The following CHST11 variants were observed in gnomAD, a reference collection of about 807,000 sequenced individuals.
The protein encoded by CHST11 is carbohydrate sulfotransferase 11.
Under a neutral mutation model 30.4 loss-of-function variants are expected in CHST11, and 9 were observed. That is an observed-to-expected ratio of 0.30 (90% CI 0.18 to 0.52). The LOEUF (loss-of-function observed/expected upper bound fraction) is 0.52. Among genes scored for constraint, CHST11 ranks in the 20% least tolerant of loss-of-function variants. CHST11 has a pLI of 0.97. For synonymous variants in CHST11, 152 were observed against 187.8 expected (o/e 0.81, Z 1.56); for missense variants, 348 against 460.6 (o/e 0.76, Z 2.24).
chr12:104,648,353 T>G (rs1395166900), intron 2 of CHST11, among the ~76,000 whole-genome samples: 1 of 152,202 alleles, frequency 6.6e-6, no homozygotes, highest in Non-Finnish European at 1.5e-5. Context: ...GCAGAGTCAT[T>G]TTGGGGCCAT....
At chr12:104,653,932 C>G (rs2039518513) in intron 2 of CHST11, among the ~76,000 whole-genome samples, 1 of 152,154 alleles carries the variant, frequency 6.6e-6, no homozygotes, top group Non-Finnish European at 1.5e-5. Context: ...TGCAGGGGGC[C>G]AAGATTCTTT....
chr12:104,582,125 T>C (rs906362325), intron 1 of CHST11, among the ~76,000 whole-genome samples: 1 of 152,210 alleles, frequency 6.6e-6, no homozygotes, highest in Non-Finnish European at 1.5e-5. Context: ...AATGTGCGCC[T>C]GAGAGTTGTG....
chr12:104,707,165 G>A (rs771173932), intron 2 of CHST11, among the ~76,000 whole-genome samples: 14 of 152,202 alleles, frequency 9.2e-5, no homozygotes, highest in South Asian at 2.1e-4. Flanking sequence ...CATTTTCTCC[G>A]TTAGAATGAA....
chr12:104,531,709 A>G (rs1486582210), intron 1 of CHST11, among the ~76,000 whole-genome samples: 1 of 152,030 alleles, frequency 6.6e-6, no homozygotes, highest in Non-Finnish European at 1.5e-5. Flanking sequence ...GGACTGGTGC[A>G]GTAGTCTTCT....
chr12:104,640,161 A>G (rs1022656852), intron 2 of CHST11, among the ~76,000 whole-genome samples: 1 of 152,236 alleles, frequency 6.6e-6, no homozygotes, highest in African/African-American at 2.4e-5. Flanking sequence ...TTTGGAAGAC[A>G]GTTTGGCAGT....
intron 1 of CHST11, among the ~76,000 whole-genome samples, chr12:104,570,707 T>TTTC (rs1193722469): frequency 6.6e-6 from 1 of 151,906 alleles, no homozygotes; most frequent in East Asian, 1.9e-4. Flanking sequence ...TTTTTTTTTT[T>TTTC]TGAGACTGAG....
intron 1 of CHST11, among the ~76,000 whole-genome samples, chr12:104,547,644 G>A (rs1565982727): frequency 6.6e-6 from 1 of 152,150 alleles, no homozygotes. Flanking sequence ...CAGCATCTCC[G>A]AGTAGTGTAT....
chr12:104,691,888 G>A (rs574454074), intron 2 of CHST11, among the ~76,000 whole-genome samples: 69 of 152,290 alleles, frequency 4.5e-4, no homozygotes, highest in Non-Finnish European at 6.5e-4. Context: ...TTCCGAGTGT[G>A]TGGCTTGGTA....
chr12:104,587,066 C>T (rs543209076), intron 1 of CHST11, among the ~76,000 whole-genome samples: 4 of 152,316 alleles, frequency 2.6e-5, no homozygotes, highest in South Asian at 4.1e-4. Flanking sequence ...ACCCTCCGCC[C>T]CTTAGGCCAG....
intron 1 of CHST11, among the ~76,000 whole-genome samples, chr12:104,596,526 C>A (rs943094465): frequency 1.3e-5 from 2 of 152,096 alleles, no homozygotes; most frequent in South Asian, 4.1e-4. Flanking sequence ...CGAGACAGCA[C>A]GGTGAAGAGC....
intron 2 of CHST11, among the ~76,000 whole-genome samples, chr12:104,679,477 G>T (rs767863630): frequency 2.4e-4 from 37 of 152,170 alleles, no homozygotes; most frequent in Non-Finnish European, 4.1e-4. Flanking sequence ...GAACTCTGGA[G>T]TCAGATCTTC....
intron 2 of CHST11, among the ~76,000 whole-genome samples, chr12:104,718,007 C>T (rs1365633036): frequency 6.6e-6 from 1 of 152,086 alleles, no homozygotes; most frequent in Non-Finnish European, 1.5e-5. Context: ...GGGCAGTAGC[C>T]CAGATGCAGA....
chr12:104,755,782 G>GA (rs1208885037), intron 2 of CHST11, among the ~76,000 whole-genome samples: 57 of 150,008 alleles, frequency 3.8e-4, no homozygotes, highest in East Asian at 5.8e-4. Context: ...TAAGACTCTG[G>GA]AAAAAAAAAG....
intron 1 of CHST11, among the ~76,000 whole-genome samples, chr12:104,516,357 G>T (rs900922837): frequency 2.0e-5 from 3 of 152,204 alleles, no homozygotes; most frequent in African/African-American, 7.2e-5. Context: ...CTGGTGAGAA[G>T]TATACGATTT....
chr12:104,526,773 A>G, intron 1 of CHST11, among the ~76,000 whole-genome samples: 1 of 152,192 alleles, frequency 6.6e-6, no homozygotes, highest in East Asian at 1.9e-4. Flanking sequence ...GTGGGTGATC[A>G]GGCCCAGCCA....
In CHST11 at chr12:104,571,107, T is replaced by C. The variant is rs78541674; in HGVS notation, c.119-30799T>C. 3.2e-4 allele frequency among the ~76,000 whole-genome samples: 48 copies of C among 152,168 alleles called. No individual in the cohort carries two copies. In the East Asian group the frequency reaches 7.9e-3, roughly 25 times the overall value. ...TGGCAGAGAGGATAAGTTAATCAGC[T>C]GAGGTCACATAGCTAGCAGGTGGTG... On this transcript the variant is annotated intron_variant, in intron 1 of 2. Coordinates refer to ENST00000303694, the MANE Select transcript of CHST11 (RefSeq NM_018413.6).
chr12:104,663,013 C>T lies in CHST11; in HGVS notation c.204+61022C>T, dbSNP rs557028862. The stretch of plus-strand genomic sequence containing the variant: ...ATTTAATGTGATTTGGTTTGTACAG[C>T]TGTTCCTCACCACAGACAAAGGAAA... On this transcript the variant is annotated intron_variant, in intron 2 of 2. Transcript: ENST00000303694. 2.0e-5 allele frequency among the ~76,000 whole-genome samples: 3 copies of T among 152,350 alleles called. No homozygotes were observed. The East Asian group carries it at 5.8e-4, about 29-fold the overall frequency.
chr12:104,623,735 C>T (rs913682630), intron 2 of CHST11, among the ~76,000 whole-genome samples: 1 of 151,886 alleles, frequency 6.6e-6, no homozygotes, highest in African/African-American at 2.4e-5. Flanking sequence ...AAAAAAAGTT[C>T]ATGTGCCCTT....
At chr12:104,536,160 T>C (rs2038235640) in intron 1 of CHST11, among the ~76,000 whole-genome samples, 2 of 152,320 alleles carry the variant, frequency 1.3e-5, no homozygotes, top group African/African-American at 2.4e-5. Flanking sequence ...ACTGGGAAAG[T>C]ATCTTCGGGA....
Sources: allele counts gnomAD v4.1 joint callset (sites outside exome capture counted in the v4.1 genomes callset), GRCh38; gene constraint gnomAD v4.1.1; transcripts MANE v1.5; gene names NCBI Gene and HGNC (gene_info 2026-07-23, HGNC 2026-07-21).